RNF111: variants seen among roughly 807,000 people sequenced by gnomAD.
RNF111 encodes E3 ubiquitin-protein ligase Arkadia.
In RNF111, 17 loss-of-function variants were observed where a neutral mutation model predicts 95.1. That is an observed-to-expected ratio of 0.18 (90% CI 0.12 to 0.27). The LOEUF is 0.27. RNF111 is among the 10% of genes least tolerant of loss of function. The probability of loss-of-function intolerance (pLI) is 1.00; values close to 1 mark genes in which losing one functional copy is unlikely to be tolerated. For missense variants in RNF111, 1,189 were observed against 1,210.4 expected (o/e 0.98, Z 0.26); for synonymous variants, 440 against 414.8 (o/e 1.06, Z -0.74).
chr15:58,989,319 C>G (rs1328675530), intron 1 of RNF111, among the ~76,000 whole-genome samples: 1 of 152,146 alleles, frequency 6.6e-6, no homozygotes, highest in Non-Finnish European at 1.5e-5. Flanking sequence ...TTTCTAAAGC[C>G]TTGATTTATC....
chr15:59,007,128 T>C (rs1391242930), intron 1 of RNF111, among the ~76,000 whole-genome samples: 1 of 152,208 alleles, frequency 6.6e-6, no homozygotes, highest in Admixed American at 6.5e-5. Context: ...AGTATACCAT[T>C]TAAGTTTTGC....
intron 1 of RNF111, among the ~76,000 whole-genome samples, chr15:58,991,080 G>C (rs776151667): frequency 6.6e-6 from 1 of 152,006 alleles, no homozygotes; most frequent in African/African-American, 2.4e-5. Flanking sequence ...TAGATCATGA[G>C]GTCGGGTTCG....
chr15:59,004,261 C>T (rs1384373343), intron 1 of RNF111: 2 of 350,882 alleles, frequency 5.7e-6, no homozygotes, highest in Non-Finnish European at 8.8e-6. Flanking sequence ...CTTTACTGAT[C>T]CTTAGTTGTC....
intron 5 of RNF111, among the ~76,000 whole-genome samples, chr15:59,060,641 T>G (rs1412277871): frequency 7.9e-5 from 12 of 152,034 alleles, no homozygotes; most frequent in African/African-American, 2.9e-4. Flanking sequence ...TTTTAAAAAA[T>G]AAATTATTGA....
chr15:59,077,630 A>G (rs1343075925), intron 7 of RNF111, among the ~76,000 whole-genome samples: 6 of 152,202 alleles, frequency 3.9e-5, no homozygotes, highest in African/African-American at 1.2e-4. Context: ...ATACCCCCAT[A>G]ATATCCATTG....
chr15:59,084,135 A>G lies in RNF111; in HGVS notation c.2304A>G (p.Ala768=), dbSNP rs2078830624. 6.3e-7 allele frequency: 1 copy of G among 1,587,376 alleles called. No individual in the cohort carries two copies. Among genetic ancestry groups the G allele is most frequent in the Admixed American group, 1.8e-5 (1 of 56,368 alleles). ...RRRMMQHPTR[A]HERPPPHPHR... Reference sequence around the variant, plus strand: ...TTGTGTTCTGTGTTTCCAGGCGGGCACATGAACGCCCCCCACCCCATCCAC... The same window carrying G: ...TTGTGTTCTGTGTTTCCAGGCGGGCGCATGAACGCCCCCCACCCCATCCAC... Residue 768 remains alanine, a synonymous_variant, in exon 9 of 14, where the codon GCA becomes GCG. Coordinates refer to ENST00000348370, the MANE Select transcript of RNF111 (RefSeq NM_017610.8).
At chr15:59,071,403 C>T (rs1380807641) in intron 6 of RNF111, among the ~76,000 whole-genome samples, 2 of 151,820 alleles carry the variant, frequency 1.3e-5, no homozygotes, top group African/African-American at 4.8e-5. Context: ...TTTTGGAAGG[C>T]AGTGCATAGT....
At chr15:59,075,824 A>T (rs530628413) in intron 6 of RNF111, 130 bp from the exon 7 acceptor site, 59 of 980,486 alleles carry the variant, frequency 6.0e-5, no homozygotes, top group Non-Finnish European at 8.1e-5. Flanking sequence ...TCTTCATACT[A>T]AGAATCTTCC....
intron 6 of RNF111, among the ~76,000 whole-genome samples, chr15:59,075,280 A>G (rs920428932): frequency 1.3e-5 from 2 of 152,246 alleles, no homozygotes; most frequent in Non-Finnish European, 2.9e-5. Flanking sequence ...GAACATCTGC[A>G]AAGCACTAAA....
intron 4 of RNF111, among the ~76,000 whole-genome samples, chr15:59,057,622 T>C (rs1316270871): frequency 3.3e-5 from 5 of 152,228 alleles, no homozygotes; most frequent in African/African-American, 1.2e-4. Context: ...CTGAAATTTC[T>C]TTTACTTTCT....
intron 10 of RNF111, 116 bp from the exon 11 acceptor site, chr15:59,089,551 C>A: frequency 2.5e-6 from 2 of 789,324 alleles, no homozygotes; most frequent in Non-Finnish European, 4.3e-6. Flanking sequence ...TTATTGAAGT[C>A]AAATTTTATG....
Position 59,036,481 on chromosome 15 carries a change from AAG to A in RNF111, c.880+4786_880+4787del, listed in dbSNP as rs200630040. The stretch of plus-strand genomic sequence containing the variant: ...AGTCACATCTTACATGGCAGCAGGC[AAG>A]AGAGAGCTTGTGCAAGGAACTTGGC... On this transcript the variant is annotated intron_variant, in intron 2 of 13. Transcript: ENST00000348370. 8.1e-3 allele frequency among the ~76,000 whole-genome samples: 1,227 copies of A among 152,336 alleles called. 14 individuals are homozygous for A. The highest frequency in any genetic ancestry group is 0.011 in the Non-Finnish European group (732 of 68,038).
chr15:59,078,692 C>T (rs1229576792), intron 7 of RNF111, among the ~76,000 whole-genome samples: 1 of 151,934 alleles, frequency 6.6e-6, no homozygotes, highest in African/African-American at 2.4e-5. Flanking sequence ...AACCCTGTCT[C>T]TACTAAAAAT....
intron 2 of RNF111, among the ~76,000 whole-genome samples, chr15:59,051,181 C>A (rs545257403): frequency 3.3e-5 from 5 of 152,174 alleles, no homozygotes; most frequent in African/African-American, 1.2e-4. Flanking sequence ...GCGCCTGGTG[C>A]GGTGGCTCAC....
intron 6 of RNF111, 57 bp from the exon 7 acceptor site, chr15:59,075,897 A>C: frequency 6.4e-7 from 1 of 1,556,514 alleles, no homozygotes; most frequent in South Asian, 1.2e-5. Context: ...TTTATAATAT[A>C]ACATGAAATA....
At chr15:59,080,892 C>T in intron 7 of RNF111, 44 bp from the exon 8 acceptor site, 1 of 1,430,116 alleles carries the variant, frequency 7.0e-7, no homozygotes, top group Non-Finnish European at 9.7e-7. Flanking sequence ...ATATGTTCAA[C>T]TGCATGGTGC....
chr15:59,014,758 CTTTT>C (rs1235678150), intron 1 of RNF111, among the ~76,000 whole-genome samples: 3 of 140,566 alleles, frequency 2.1e-5, no homozygotes, highest in Non-Finnish European at 4.7e-5. Flanking sequence ...GAATTGCAGA[CTTTT>C]TTTTTTTTTT....
At chr15:59,066,446 A>C (rs1254666025) in intron 5 of RNF111, among the ~76,000 whole-genome samples, 1 of 152,094 alleles carries the variant, frequency 6.6e-6, no homozygotes, top group Non-Finnish European at 1.5e-5. Context: ...CCCCATCTGT[A>C]CTAAAAATAC....
Position 59,076,053 on chromosome 15 carries a change from T to C in RNF111, c.1786T>C (p.Ser596Pro). Residue 596 changes from serine (S) to proline (P), a missense_variant, in exon 7 of 14, where the codon TCC (serine) becomes CCC (proline). Ser to Pro is a moderately conservative substitution (Grantham distance 74). Transcript: ENST00000348370. ...SAFDPCCPVS[S>P]SRAAIFGHQA... ...ATTTGACCCCTGCTGCCCTGTTTCT[T>C]CCTCCCGAGCTGCAATCTTTGGCCA... The C allele has an allele frequency of 6.2e-7, 1 of 1,614,204 alleles. No individual in the cohort carries two copies. Among genetic ancestry groups the C allele is most frequent in the Admixed American group, 1.7e-5 (1 of 60,022 alleles).
Sources: gnomAD v4.1 joint callset for allele counts (sites outside exome capture counted in the v4.1 genomes callset) on GRCh38, gnomAD v4.1.1 for gene constraint, MANE v1.5 for transcripts, NCBI Gene and HGNC (gene_info 2026-07-23, HGNC 2026-07-21) for gene names.